CTNNA3: variants seen among roughly 807,000 people sequenced by gnomAD.
The protein encoded by CTNNA3 is catenin alpha 3.
A neutral mutation model predicts 95.7 loss-of-function variants in CTNNA3; 76 were observed. The ratio of observed to expected loss-of-function variants is 0.79; its 90% confidence interval spans 0.66 to 0.96. CTNNA3 has a LOEUF of 0.96. Ranked by LOEUF, CTNNA3 falls within the 40% of genes least tolerant of loss-of-function variation. The pLI, the probability that CTNNA3 is intolerant of heterozygous loss-of-function variation, is 0.00. For synonymous variants in CTNNA3, 431 were observed against 374.4 expected, an observed-to-expected ratio of 1.15 and a Z score of -1.74; for missense variants, 1,191 against 1,089.8, an observed-to-expected ratio of 1.09 and a Z score of -1.31.
intron 5 of CTNNA3, among the ~76,000 whole-genome samples, chr10:67,312,843 T>C (rs777279114): frequency 6.6e-6 from 1 of 152,324 alleles, no homozygotes; most frequent in African/African-American, 2.4e-5. Context: ...TGGACTTTGA[T>C]CTAAAACCCA....
At chr10:67,080,292 G>T (rs929806146) in intron 7 of CTNNA3, among the ~76,000 whole-genome samples, 1 of 152,170 alleles carries the variant, frequency 6.6e-6, no homozygotes, top group Non-Finnish European at 1.5e-5. Flanking sequence ...GGTGGAAAGA[G>T]AAGTATCAGC....
chr10:67,325,474 C>T lies in CTNNA3; in HGVS notation c.580-105604G>A, dbSNP rs535373136. Among the ~76,000 whole-genome samples the T allele has an allele frequency of 3.3e-4, 50 of 152,268 alleles. No homozygotes were observed. The Middle Eastern group carries it at 0.014, about 41-fold the overall frequency. On this transcript the variant is annotated intron_variant, in intron 5 of 17. Coordinates refer to ENST00000433211, the MANE Select transcript of CTNNA3 (RefSeq NM_013266.4). ...TTTCAAAGAACTTCTTAGTTTCTAC[C>T]TTAATTTCACTGTTTACTCAAAAGT...
At chr10:67,303,340 C>G (rs1218784575) in intron 5 of CTNNA3, among the ~76,000 whole-genome samples, 1 of 152,168 alleles carries the variant, frequency 6.6e-6, no homozygotes, top group East Asian at 1.9e-4. Flanking sequence ...TCATTTTCTC[C>G]CTTCTTCCAG....
At chr10:66,517,886 C>T (rs546314298) in intron 11 of CTNNA3, among the ~76,000 whole-genome samples, 5 of 152,130 alleles carry the variant, frequency 3.3e-5, no homozygotes, top group East Asian at 3.9e-4. Context: ...AAATAATGTG[C>T]GTTTTCTGTA....
At chr10:66,704,328 G>A (rs915034249) in intron 9 of CTNNA3, among the ~76,000 whole-genome samples, 3 of 152,106 alleles carry the variant, frequency 2.0e-5, no homozygotes, top group African/African-American at 4.8e-5. Context: ...GTGCTGTAGA[G>A]AAACATAAAT....
intron 2 of CTNNA3, among the ~76,000 whole-genome samples, chr10:67,640,122 A>C (rs1233547636): frequency 2.6e-5 from 4 of 152,210 alleles, no homozygotes; most frequent in Admixed American, 6.5e-5. Flanking sequence ...CTCAGCCCAA[A>C]ATATCCTTAA....
intron 5 of CTNNA3, among the ~76,000 whole-genome samples, chr10:67,497,091 C>A (rs922607365): frequency 6.6e-6 from 1 of 152,128 alleles, no homozygotes; most frequent in South Asian, 2.1e-4. Context: ...TAGGCCCCCA[C>A]CCACTGACAG....
intron 9 of CTNNA3, among the ~76,000 whole-genome samples, chr10:66,644,457 G>GTA (rs369985156): frequency 0.085 from 10,550 of 124,482 alleles, 581 homozygotes; most frequent in East Asian, 0.2. Context: ...CCCCAAATAT[G>GTA]TATATATATA....
chr10:66,426,264 T>C (rs1337770107), intron 11 of CTNNA3, among the ~76,000 whole-genome samples: 1 of 152,080 alleles, frequency 6.6e-6, no homozygotes, highest in South Asian at 2.1e-4. Context: ...GACTGTGTCA[T>C]AGGGTACTCA....
chr10:66,789,821 G>T (rs1451782611), intron 7 of CTNNA3, among the ~76,000 whole-genome samples: 1 of 152,124 alleles, frequency 6.6e-6, no homozygotes, highest in African/African-American at 2.4e-5. Context: ...GCACTCCCCT[G>T]CATGGACAAG....
chr10:67,000,295 G>A (rs1326470385), intron 7 of CTNNA3, among the ~76,000 whole-genome samples: 1 of 152,168 alleles, frequency 6.6e-6, no homozygotes, highest in East Asian at 1.9e-4. Context: ...AATAATTGGT[G>A]AGTGATTGAG....
chr10:67,174,756 A>T (rs1378821279), intron 7 of CTNNA3, among the ~76,000 whole-genome samples: 2 of 152,060 alleles, frequency 1.3e-5, no homozygotes, highest in African/African-American at 4.8e-5. Context: ...TCAATATCTA[A>T]ATCCAGCCTC....
chr10:67,033,630 C>T (rs1000183930), intron 7 of CTNNA3, among the ~76,000 whole-genome samples: 1 of 152,140 alleles, frequency 6.6e-6, no homozygotes, highest in African/African-American at 2.4e-5. Context: ...CTCACAACAA[C>T]CCTATGAAGT....
At chr10:66,806,756 A>ATATATGTGTG (rs1359507202) in intron 7 of CTNNA3, among the ~76,000 whole-genome samples, 1 of 145,718 alleles carries the variant, frequency 6.9e-6, no homozygotes, top group African/African-American at 2.6e-5. Flanking sequence ...TGTGGCATAT[A>ATATATGTGTG]TGTGTGTGTG....
intron 13 of CTNNA3, among the ~76,000 whole-genome samples, chr10:66,252,746 G>T (rs1490789317): frequency 2.0e-5 from 3 of 152,226 alleles, no homozygotes; most frequent in African/African-American, 7.2e-5. Flanking sequence ...GTGTCAAGAG[G>T]TGGAAGGACT....
At chr10:66,382,606 TC>T (rs1428696187) in intron 11 of CTNNA3, among the ~76,000 whole-genome samples, 2 of 152,124 alleles carry the variant, frequency 1.3e-5, no homozygotes, top group Non-Finnish European at 1.5e-5. Flanking sequence ...GTGGTTGAGC[TC>T]TGAGAATGGA....
intron 5 of CTNNA3, among the ~76,000 whole-genome samples, chr10:67,248,967 A>G (rs1866006295): frequency 6.6e-6 from 1 of 152,194 alleles, no homozygotes; most frequent in African/African-American, 2.4e-5. Flanking sequence ...GGGTTTTAAT[A>G]TAAGAGCTAA....
chr10:67,032,617 C>T (rs1229195822), intron 7 of CTNNA3, among the ~76,000 whole-genome samples: 1 of 152,138 alleles, frequency 6.6e-6, no homozygotes, highest in Non-Finnish European at 1.5e-5. Flanking sequence ...GTAATTTCTA[C>T]AGTTACAATT....
chr10:66,879,661 C>T (rs1457849954), intron 7 of CTNNA3, among the ~76,000 whole-genome samples: 5 of 151,980 alleles, frequency 3.3e-5, no homozygotes, highest in African/African-American at 1.2e-4. Context: ...AGCTGAATGA[C>T]ACAAATAATA....
Sources: allele counts gnomAD v4.1 joint callset (sites outside exome capture counted in the v4.1 genomes callset), GRCh38; gene constraint gnomAD v4.1.1; transcripts MANE v1.5; gene names NCBI Gene and HGNC (gene_info 2026-07-23, HGNC 2026-07-21).